The following GPM6A variants were observed in gnomAD, a reference collection of about 807,000 sequenced individuals.
GPM6A encodes the protein neuronal membrane glycoprotein M6-a.
A neutral mutation model predicts 32.1 loss-of-function variants in GPM6A; 7 were observed. The observed-to-expected ratio is 0.22, with a 90% CI of 0.12 to 0.41. The LOEUF (loss-of-function observed/expected upper bound fraction) is 0.41, where lower values mean the gene tolerates loss of function less well. Ranked by LOEUF, GPM6A falls within the 10% of genes least tolerant of loss-of-function variation. The pLI is 1.00. For missense variants in GPM6A, 235 were observed against 347.2 expected, an observed-to-expected ratio of 0.68 and a Z score of 2.57; for synonymous variants, 130 against 123.4, an observed-to-expected ratio of 1.05 and a Z score of -0.35.
chr4:175,695,475 G>C (rs1168261659), intron 2 of GPM6A, among the ~76,000 whole-genome samples: 4 of 152,178 alleles, frequency 2.6e-5, no homozygotes, highest in African/African-American at 7.2e-5. Flanking sequence ...CGAAGTCAAA[G>C]GAAATTATTA....
At chr4:175,840,646 C>T (rs554572662) in intron 1 of GPM6A, among the ~76,000 whole-genome samples, 1 of 152,232 alleles carries the variant, frequency 6.6e-6, no homozygotes, top group African/African-American at 2.4e-5. Context: ...TGCACTCCAG[C>T]TGGAGACAAC....
At chr4:175,909,302 T>A (rs1412582914) in intron 1 of GPM6A, among the ~76,000 whole-genome samples, 1 of 152,122 alleles carries the variant, frequency 6.6e-6, no homozygotes, top group Non-Finnish European at 1.5e-5. Flanking sequence ...TGTTTTCAGA[T>A]CCTTTCTCCA....
intron 2 of GPM6A, among the ~76,000 whole-genome samples, chr4:175,695,636 T>C (rs554950233): frequency 1.3e-5 from 2 of 152,320 alleles, no homozygotes; most frequent in Admixed American, 1.3e-4. Flanking sequence ...CTGACTTGTT[T>C]TTTATTTTAT....
At chr4:175,829,398 T>C (rs911551851) in intron 1 of GPM6A, among the ~76,000 whole-genome samples, 1 of 152,040 alleles carries the variant, frequency 6.6e-6, no homozygotes, top group Admixed American at 6.6e-5. Context: ...AACTCTCTAT[T>C]TTAATACCAA....
At chr4:175,881,453 A>C (rs530216041) in intron 1 of GPM6A, among the ~76,000 whole-genome samples, 3 of 152,346 alleles carry the variant, frequency 2.0e-5, no homozygotes, top group Admixed American at 6.5e-5. Flanking sequence ...TCAGGGATCT[A>C]GAACTGGAAA....
intron 1 of GPM6A, among the ~76,000 whole-genome samples, chr4:175,703,658 C>G (rs993324941): frequency 6.6e-6 from 1 of 152,172 alleles, no homozygotes; most frequent in Non-Finnish European, 1.5e-5. Flanking sequence ...TCACAATTTC[C>G]TAGGCTATTG....
intron 1 of GPM6A, among the ~76,000 whole-genome samples, chr4:175,742,748 G>A (rs1046757131): frequency 2.6e-4 from 39 of 152,204 alleles, no homozygotes; most frequent in African/African-American, 8.9e-4. Context: ...AGGAATCAAC[G>A]CACACTTGAC....
At chr4:175,730,615 C>G (rs1337297803) in intron 1 of GPM6A, among the ~76,000 whole-genome samples, 1 of 151,970 alleles carries the variant, frequency 6.6e-6, no homozygotes, top group East Asian at 1.9e-4. Context: ...GGACTACAGG[C>G]GCCCGCCACC....
chr4:175,660,475 A>T (rs969696017), intron 3 of GPM6A, among the ~76,000 whole-genome samples: 2 of 152,172 alleles, frequency 1.3e-5, no homozygotes, highest in Non-Finnish European at 2.9e-5. Context: ...TGAAAATTTT[A>T]ATATATTATG....
At chr4:175,890,346 T>C (rs1737601660) in intron 1 of GPM6A, among the ~76,000 whole-genome samples, 1 of 152,170 alleles carries the variant, frequency 6.6e-6, no homozygotes, top group Non-Finnish European at 1.5e-5. Flanking sequence ...AATATATTCA[T>C]AGTTATAGTT....
intron 1 of GPM6A, among the ~76,000 whole-genome samples, chr4:175,777,551 C>A (rs1023592177): frequency 6.6e-6 from 1 of 151,830 alleles, no homozygotes; most frequent in Non-Finnish European, 1.5e-5. Context: ...TAAAAATATT[C>A]TCTACAAGAG....
At chr4:175,894,822 C>A (rs1213158819) in intron 1 of GPM6A, among the ~76,000 whole-genome samples, 2 of 152,064 alleles carry the variant, frequency 1.3e-5, no homozygotes, top group Non-Finnish European at 2.9e-5. Context: ...ATACATGACC[C>A]CATTTTCTTA....
At chr4:175,800,121 T>C (rs925413506) in intron 1 of GPM6A, among the ~76,000 whole-genome samples, 2 of 152,186 alleles carry the variant, frequency 1.3e-5, no homozygotes, top group Non-Finnish European at 2.9e-5. Flanking sequence ...CCAAAGTGGT[T>C]AGGAAGTCAA....
At chr4:175,836,546 G>T (rs937367973) in intron 1 of GPM6A, among the ~76,000 whole-genome samples, 1 of 152,084 alleles carries the variant, frequency 6.6e-6, no homozygotes, top group Non-Finnish European at 1.5e-5. Context: ...CAGAAGTAGG[G>T]TAAAAGTTTT....
intron 1 of GPM6A, among the ~76,000 whole-genome samples, chr4:175,741,339 A>G (rs980117951): frequency 6.6e-6 from 1 of 152,050 alleles, no homozygotes; most frequent in African/African-American, 2.4e-5. Context: ...CTACCATCTT[A>G]ATTCAGAGCA....
exon 1 of GPM6A, chr4:176,002,320 G>T (rs1259230512): frequency 3.1e-6 from 5 of 1,594,032 alleles, no homozygotes; most frequent in Non-Finnish European, 4.3e-6. Flanking sequence ...CATGGCCCGA[G>T]GTCCTGCTTC....
intron 1 of GPM6A, among the ~76,000 whole-genome samples, chr4:175,970,375 T>C (rs1579674744): frequency 6.6e-6 from 1 of 151,952 alleles, no homozygotes; most frequent in Non-Finnish European, 1.5e-5. Flanking sequence ...TGAACTTCCA[T>C]GGAAAAGAAC....
intron 1 of GPM6A, among the ~76,000 whole-genome samples, chr4:175,881,998 TAATA>T (rs988803575): frequency 2.6e-5 from 4 of 151,944 alleles, no homozygotes; most frequent in East Asian, 1.9e-4. Context: ...ATAAAAAATA[TAATA>T]AATAAAAATA....
At chr4:175,940,000 C>A in intron 1 of GPM6A, among the ~76,000 whole-genome samples, 1 of 151,954 alleles carries the variant, frequency 6.6e-6, no homozygotes, top group Middle Eastern at 3.2e-3. Context: ...AAGGAAGAAA[C>A]AGAGAAACAT....
Sources: allele counts gnomAD v4.1 joint callset (sites outside exome capture counted in the v4.1 genomes callset), GRCh38; gene constraint gnomAD v4.1.1; transcripts MANE v1.5; gene names NCBI Gene and HGNC (gene_info 2026-07-23, HGNC 2026-07-21).